Variants in KIAA1549L observed in about 807,000 individuals in gnomAD.
KIAA1549L encodes the protein KIAA1549 like, also known as UPF0606 protein KIAA1549L.
KIAA1549L carries 88 observed loss-of-function variants against 160.7 expected under a neutral mutation model. That is an observed-to-expected ratio of 0.55 (90% CI 0.46 to 0.65). The LOEUF is 0.65. Ranked by LOEUF, KIAA1549L falls within the 30% of genes least tolerant of loss-of-function variation. The pLI, the probability that KIAA1549L is intolerant of heterozygous loss-of-function variation, is 0.00. For missense variants in KIAA1549L, 2,258 were observed against 2,437.5 expected, an observed-to-expected ratio of 0.93 and a Z score of 1.55; for synonymous variants, 950 against 976.7, an observed-to-expected ratio of 0.97 and a Z score of 0.51.
intron 1 of KIAA1549L, among the ~76,000 whole-genome samples, chr11:33,393,818 G>T (rs1850317407): frequency 6.6e-6 from 1 of 152,142 alleles, no homozygotes; most frequent in Non-Finnish European, 1.5e-5. Flanking sequence ...TAAAAGCTGG[G>T]ATTATGTTTT....
intron 1 of KIAA1549L, among the ~76,000 whole-genome samples, chr11:33,464,484 G>A (rs944662367): frequency 6.7e-6 from 1 of 149,840 alleles, no homozygotes; most frequent in African/African-American, 2.5e-5. Flanking sequence ...ATGTGTGTGT[G>A]TGTGTGTGTG....
At chr11:33,572,667 CTT>C (rs1314383572) in intron 9 of KIAA1549L, among the ~76,000 whole-genome samples, 1 of 152,296 alleles carries the variant, frequency 6.6e-6, no homozygotes, top group East Asian at 1.9e-4. Flanking sequence ...ATAATATTCT[CTT>C]ATATGAATAT....
chr11:33,475,580 C>T (rs1852267469), intron 1 of KIAA1549L, among the ~76,000 whole-genome samples: 1 of 150,764 alleles, frequency 6.6e-6, no homozygotes, highest in Admixed American at 6.6e-5. Flanking sequence ...AGGCCAGGTG[C>T]AGCGGCTCAT....
chr11:33,494,718 T>A (rs1852774657), intron 1 of KIAA1549L, among the ~76,000 whole-genome samples: 1 of 152,184 alleles, frequency 6.6e-6, no homozygotes, highest in South Asian at 2.1e-4. Context: ...CAGATTTCAT[T>A]TTGATTGTGT....
intron 1 of KIAA1549L, among the ~76,000 whole-genome samples, chr11:33,409,766 C>CTTTT (rs34301559): frequency 3.3e-4 from 44 of 132,162 alleles, no homozygotes; most frequent in African/African-American, 1.1e-3. Context: ...GTTCTCACCT[C>CTTTT]TTTTTTTTTT....
intron 16 of KIAA1549L, among the ~76,000 whole-genome samples, chr11:33,635,317 T>A (rs1851409228): frequency 6.6e-6 from 1 of 152,238 alleles, no homozygotes; most frequent in African/African-American, 2.4e-5. Flanking sequence ...TGGAGCCAGA[T>A]AAATTTCATC....
At position 33,609,880 on chromosome 11, in the gene KIAA1549L, G is replaced by T; in HGVS notation, c.5193G>T (p.Lys1731Asn). 1 of 1,613,950 alleles carries T rather than the reference G, an allele frequency of 6.2e-7. No homozygotes were observed. The highest frequency in any genetic ancestry group is 8.5e-7 in the Non-Finnish European group (1 of 1,179,854). Residue 1731 changes from lysine (K) to asparagine (N), a missense_variant, in exon 15 of 21, where the codon AAG becomes AAT. Physicochemically the swap from Lys to Asn is moderately conservative, Grantham distance 94. Coordinates refer to ENST00000658780, the MANE Select transcript of KIAA1549L (RefSeq NM_012194.3). Reference sequence around the variant, plus strand: ...GCAAGGGTCTGACCGAAAGAAAGAAGATGTATGAAAAAGCCCCGAAGGAAA... The same window carrying T: ...GCAAGGGTCTGACCGAAAGAAAGAATATGTATGAAAAAGCCCCGAAGGAAA... ...ETSKGLTERK[K>N]MYEKAPKEME...
chr11:33,645,581 A>G (rs926269668), intron 16 of KIAA1549L, 105 bp from the exon 17 acceptor site: 13 of 812,898 alleles, frequency 1.6e-5, no homozygotes, highest in Admixed American at 2.3e-5. Flanking sequence ...AAATTAGCAC[A>G]GATGCATCCT....
At chr11:33,434,651 A>G (rs1003379173) in intron 1 of KIAA1549L, among the ~76,000 whole-genome samples, 2 of 152,160 alleles carry the variant, frequency 1.3e-5, no homozygotes, top group Admixed American at 1.3e-4. Context: ...CATTTGGGTC[A>G]CTCAATAAAT....
chr11:33,459,453 T>C (rs1435260112), intron 1 of KIAA1549L, among the ~76,000 whole-genome samples: 3 of 152,198 alleles, frequency 2.0e-5, no homozygotes, highest in Non-Finnish European at 4.4e-5. Flanking sequence ...TCGTTGTGCA[T>C]TGTCTCACTT....
At chr11:33,485,054 CAT>C (rs1217121717) in intron 1 of KIAA1549L, among the ~76,000 whole-genome samples, 3 of 152,180 alleles carry the variant, frequency 2.0e-5, no homozygotes, top group Non-Finnish European at 2.9e-5. Context: ...CAGGGGTAGA[CAT>C]AGCCTCTTTA....
chr11:33,558,109 A>G (rs769995156), intron 6 of KIAA1549L, among the ~76,000 whole-genome samples: 2 of 152,206 alleles, frequency 1.3e-5, no homozygotes, highest in African/African-American at 2.4e-5. Context: ...ATTATGTATC[A>G]TTTTTTAAAG....
At chr11:33,399,216 G>A (rs147525799) in intron 1 of KIAA1549L, among the ~76,000 whole-genome samples, 1 of 152,244 alleles carries the variant, frequency 6.6e-6, no homozygotes, top group East Asian at 1.9e-4. Context: ...GCTTCCCAAA[G>A]TGCCAGGATT....
rs953570619 is a variant in KIAA1549L, at chr11:33,543,590, T to C, written c.2027T>C (p.Met676Thr). The C allele has an allele frequency of 2.5e-6, 4 of 1,613,908 alleles. No individual in the cohort carries two copies. In the Admixed American group the frequency reaches 5.0e-5, roughly 20 times the overall value. Reference protein sequence around the residue: ...SKQVRASPSSMDVYDSLTIGD... With the variant: ...SKQVRASPSSTDVYDSLTIGD... ...CAGGTGAGAGCATCGCCCTCCTCCA[T>C]GGATGTATATGATTCCTTAACAATA... Residue 676 changes from methionine to threonine, a missense_variant, in exon 2 of 21, where the codon ATG becomes ACG. Coordinates refer to ENST00000658780, the MANE Select transcript of KIAA1549L (RefSeq NM_012194.3).
chr11:33,595,308 C>A (rs990264044), intron 12 of KIAA1549L, among the ~76,000 whole-genome samples: 8 of 152,188 alleles, frequency 5.3e-5, no homozygotes, highest in African/African-American at 1.7e-4. Flanking sequence ...CTCACTGCAA[C>A]CTCTGCCTCC....
At chr11:33,468,519 G>T (rs1852108552) in intron 1 of KIAA1549L, among the ~76,000 whole-genome samples, 1 of 152,238 alleles carries the variant, frequency 6.6e-6, no homozygotes, top group Admixed American at 6.5e-5. Flanking sequence ...ACCTGCGACT[G>T]CAGGTCTATC....
chr11:33,602,147 T>A (rs191505423), intron 13 of KIAA1549L, among the ~76,000 whole-genome samples: 35 of 152,330 alleles, frequency 2.3e-4, no homozygotes, highest in African/African-American at 8.4e-4. Context: ...CCTTCCTTTA[T>A]GTCACTGAGA....
At chr11:33,600,286 G>A (rs1228772291) in intron 13 of KIAA1549L, among the ~76,000 whole-genome samples, 1 of 152,176 alleles carries the variant, frequency 6.6e-6, no homozygotes, top group Non-Finnish European at 1.5e-5. Flanking sequence ...TAGAAATCCT[G>A]CCATCAGCTC....
intron 10 of KIAA1549L, among the ~76,000 whole-genome samples, chr11:33,582,839 G>A (rs1855686573): frequency 6.6e-6 from 1 of 152,188 alleles, no homozygotes; most frequent in Non-Finnish European, 1.5e-5. Flanking sequence ...CTATTCTGGG[G>A]GAGATCCATC....
Sources: gnomAD v4.1 joint callset for allele counts (sites outside exome capture counted in the v4.1 genomes callset) on GRCh38, gnomAD v4.1.1 for gene constraint, MANE v1.5 for transcripts, NCBI Gene and HGNC (gene_info 2026-07-23, HGNC 2026-07-21) for gene names.